Variants in TPM1 observed in about 807,000 individuals in gnomAD.
TPM1 encodes the protein tropomyosin alpha-1 chain.
Under a neutral mutation model 42.9 loss-of-function variants are expected in TPM1, and 24 were observed. That is an observed-to-expected ratio of 0.56 (90% CI 0.41 to 0.79). TPM1 has a LOEUF of 0.79. Ranked by LOEUF, TPM1 falls within the 30% of genes least tolerant of loss-of-function variation. TPM1 has a pLI of 0.00. For synonymous variants in TPM1, 136 were observed against 130.1 expected (o/e 1.05, Z -0.31); for missense variants, 158 against 351.8 (o/e 0.45, Z 4.41).
chr15:63,059,981 T>G (rs1323818895), intron 4 of TPM1: 3 of 351,688 alleles, frequency 8.5e-6, no homozygotes, highest in South Asian at 2.2e-5. Flanking sequence ...TTGGGCCCTG[T>G]GTCTTGTGAA....
intron 2 of TPM1, among the ~76,000 whole-genome samples, chr15:63,053,126 G>A (rs1281798486): frequency 6.6e-6 from 1 of 152,202 alleles, no homozygotes; most frequent in East Asian, 1.9e-4. Context: ...TAAATGTTCC[G>A]TGTCCTTATG....
At position 63,061,742 on chromosome 15, in the gene TPM1, A is replaced by G; in HGVS notation, c.593A>G (p.Lys198Arg). 1 of 1,614,144 alleles carries G rather than the reference A, an allele frequency of 6.2e-7. No individual in the cohort carries two copies. The highest frequency in any genetic ancestry group is 1.1e-5 in the South Asian group (1 of 91,080). The change falls in exon 6 of 10, where the codon AAA becomes AGA. Residue 198 changes from lysine to arginine, a missense_variant. Around this residue, in one of 4 missense-constraint regions of TPM1, gnomAD observed 65 missense variants for 208.8 expected, o/e 0.31. Coordinates refer to ENST00000403994, the MANE Select transcript of TPM1 (RefSeq NM_001018005.2). ...GKCAELEEEL[K>R]TVTNNLKSLE... ...TGTGCCGAGCTTGAAGAAGAATTGA[A>G]AACTGTGACGAACAACTTGAAGTCA... is the stretch of plus-strand genomic sequence containing the variant.
At chr15:63,043,016 C>T in intron 1 of TPM1, 73 bp downstream of exon 1, 7 of 1,388,806 alleles carry the variant, frequency 5.0e-6, no homozygotes, top group Non-Finnish European at 7.0e-6. Flanking sequence ...GGCTGGATCC[C>T]CACCCCGAGG....
At chr15:63,043,174 C>T (rs1168468673) in intron 1 of TPM1, 7 of 568,964 alleles carry the variant, frequency 1.2e-5, no homozygotes, top group Non-Finnish European at 2.2e-5. Flanking sequence ...TTCCCATGGC[C>T]CGCGAAATCA....
At chr15:63,043,917 T>C (rs2031810213) in intron 1 of TPM1, 110 bp from the exon 2 acceptor site, 2 of 1,554,244 alleles carry the variant, frequency 1.3e-6, no homozygotes, top group Non-Finnish European at 1.7e-6. Flanking sequence ...TCCCTCTGTC[T>C]CTCCCGCTGT....
chr15:63,043,489 C>G, intron 1 of TPM1: 2 of 756,398 alleles, frequency 2.6e-6, no homozygotes, highest in South Asian at 2.9e-5. Context: ...CCCGCTGAGA[C>G]CTCGGCAGGA....
chr15:63,061,382 C>T (rs190018689), intron 5 of TPM1: 37 of 997,906 alleles, frequency 3.7e-5, no homozygotes, highest in East Asian at 2.0e-4. Flanking sequence ...ACTTCACCCT[C>T]TGCTATTTAT....
At chr15:63,044,614 A>T (rs770474163) in intron 2 of TPM1, 6 of 291,574 alleles carry the variant, frequency 2.1e-5, no homozygotes, top group Non-Finnish European at 3.3e-5. Context: ...AAATGAAAGA[A>T]ATGACACAGC....
In TPM1 at chr15:63,056,022, A is replaced by G. The variant is rs1287894168; in HGVS notation, c.241-963A>G. 6 of 152,274 alleles carry G rather than the reference A, an allele frequency of 3.9e-5. No individual in the cohort carries two copies. In the South Asian group the frequency reaches 6.2e-4, roughly 16 times the overall value. The allele number at this position is 152,274 out of a possible 1,614,324, so 9.4% of individuals were successfully genotyped here. A position where few individuals can be genotyped will look rare whatever the true frequency, so the allele number is the denominator to read the frequency against. ...TTGTATTAACCTTGACTTCAAAGAA[A>G]AATCATAGGCTTACATCAAAAACAC... On this transcript the variant is annotated intron_variant, in intron 2 of 9. Coordinates refer to ENST00000403994, the MANE Select transcript of TPM1 (RefSeq NM_001018005.2).
chr15:63,057,364 A>G (rs991375363), intron 3 of TPM1, among the ~76,000 whole-genome samples: 1 of 152,216 alleles, frequency 6.6e-6, no homozygotes, highest in Non-Finnish European at 1.5e-5. Flanking sequence ...TCCTGCCCTT[A>G]CAGAACTCAC....
chr15:63,066,195 G>C, downstream of TPM1: 4 of 1,398,708 alleles, frequency 2.9e-6, no homozygotes, highest in Non-Finnish European at 3.7e-6. Context: ...TTAGTGTTTG[G>C]CTGCTGCTTT....
intron 3 of TPM1, among the ~76,000 whole-genome samples, chr15:63,058,223 A>T (rs11071722): frequency 0.68 from 103,719 of 152,056 alleles, 35,751 homozygotes; most frequent in East Asian, 0.95. Context: ...TTGTTAGTGT[A>T]CCTTAAAGGC....
intron 9 of TPM1, 81 bp downstream of exon 9, chr15:63,064,223 C>T (rs1331950834): frequency 1.9e-6 from 3 of 1,563,370 alleles, no homozygotes; most frequent in Non-Finnish European, 2.6e-6. Flanking sequence ...TTCCTTGCTC[C>T]CTAATCTCCA....
chr15:63,050,536 G>A (rs764904181), intron 2 of TPM1, among the ~76,000 whole-genome samples: 1 of 152,196 alleles, frequency 6.6e-6, no homozygotes, highest in Non-Finnish European at 1.5e-5. Flanking sequence ...TCTTTTGCAC[G>A]TCGTTTTTAT....
Position 63,060,854 on chromosome 15 carries a change from G to C in TPM1, c.493-15G>C. 2 of 1,614,204 alleles carry C rather than the reference G, an allele frequency of 1.2e-6. No homozygotes were observed. The highest frequency in any genetic ancestry group is 8.5e-7 in the Non-Finnish European group (1 of 1,180,030). On this transcript the variant is annotated splice_polypyrimidine_tract_variant and intron_variant, in intron 4 of 9. Transcript: ENST00000403994. Reference sequence around the variant, plus strand: ...GCAAGACCCATGGTGTGTGTGTTGTGTCTTCCTGCTGCAGGTGGCCCGTAA... The same window carrying C: ...GCAAGACCCATGGTGTGTGTGTTGTCTCTTCCTGCTGCAGGTGGCCCGTAA...
rs1185591755 is a variant in TPM1 at position 63,062,563 on chromosome 15, T to G, written c.703-13T>G. On this transcript the variant is annotated splice_polypyrimidine_tract_variant and intron_variant, in intron 7 of 9. Coordinates refer to ENST00000403994, the MANE Select transcript of TPM1 (RefSeq NM_001018005.2). The stretch of plus-strand genomic sequence containing the variant: ...TAAAACTTCCCAACTTTAACTCAAA[T>G]AAATCATTACAGGCTGAGACTCGGG... 1 of 1,614,178 alleles carries G rather than the reference T, an allele frequency of 6.2e-7. No homozygotes were observed. Among genetic ancestry groups the G allele is most frequent in the Non-Finnish European group, 8.5e-7 (1 of 1,180,000 alleles).
downstream of TPM1, chr15:63,069,838 T>G (rs1234799006): frequency 3.7e-6 from 6 of 1,613,654 alleles, no homozygotes; most frequent in Non-Finnish European, 5.1e-6. Context: ...CTTCTGCCTC[T>G]TTTCTGCTAA....
chr15:63,057,352 G>A (rs2034967615), intron 3 of TPM1, among the ~76,000 whole-genome samples: 1 of 152,306 alleles, frequency 6.6e-6, no homozygotes, highest in African/African-American at 2.4e-5. Context: ...AGATGATCTT[G>A]TTCCTGCCCT....
intron 1 of TPM1, chr15:63,043,575 C>A: frequency 1.4e-6 from 2 of 1,401,234 alleles, no homozygotes; most frequent in Non-Finnish European, 1.9e-6. Flanking sequence ...GAAGTTACCT[C>A]GGGTCCTTTG....
Sources: allele counts gnomAD v4.1 joint callset (sites outside exome capture counted in the v4.1 genomes callset), GRCh38; gene constraint gnomAD v4.1.1; regional missense constraint gnomAD v4.1.1; transcripts MANE v1.5; gene names NCBI Gene and HGNC (gene_info 2026-07-23, HGNC 2026-07-21).